APP: variants seen among roughly 807,000 people sequenced by gnomAD.
APP encodes the protein amyloid-beta precursor protein.
Under a neutral mutation model 101.4 loss-of-function variants are expected in APP, and 31 were observed. That is an observed-to-expected ratio of 0.31 (90% CI 0.23 to 0.41). The LOEUF (loss-of-function observed/expected upper bound fraction) is 0.41. Among genes scored for constraint, APP ranks in the 10% least tolerant of loss-of-function variants. The pLI is 1.00. For missense variants in APP, 839 were observed against 1,003.7 expected (o/e 0.84, Z 2.22); for synonymous variants, 366 against 364.4 (o/e 1.00, Z -0.05).
chr21:26,118,677 T>C (rs547311327), intron 1 of APP, among the ~76,000 whole-genome samples: 48 of 152,276 alleles, frequency 3.2e-4, no homozygotes, highest in African/African-American at 1.1e-3. Context: ...TTTAACCTCC[T>C]GAGTAGCTGG....
intron 2 of APP, among the ~76,000 whole-genome samples, chr21:26,109,116 G>C (rs2062252302): frequency 6.6e-6 from 1 of 152,172 alleles, no homozygotes; most frequent in African/African-American, 2.4e-5. Context: ...AGAATTGCAA[G>C]AGGAAGGTGA....
chr21:26,147,208 TC>T (rs1315636209), intron 1 of APP, among the ~76,000 whole-genome samples: 3 of 152,180 alleles, frequency 2.0e-5, no homozygotes, highest in Admixed American at 2.0e-4. Flanking sequence ...TAAACACCCC[TC>T]CCTGCAGAAC....
chr21:25,985,358 T>C (rs1447587973), intron 8 of APP, among the ~76,000 whole-genome samples: 1 of 152,144 alleles, frequency 6.6e-6, no homozygotes, highest in African/African-American at 2.4e-5. Context: ...AGCATCGGAA[T>C]TGGTGCACTC....
At chr21:26,139,126 A>G (rs1337048119) in intron 1 of APP, among the ~76,000 whole-genome samples, 2 of 152,182 alleles carry the variant, frequency 1.3e-5, no homozygotes, top group African/African-American at 4.8e-5. Context: ...CAATGATGCA[A>G]CATTACGTAA....
At chr21:26,064,745 C>T (rs1384902592) in intron 3 of APP, among the ~76,000 whole-genome samples, 3 of 152,198 alleles carry the variant, frequency 2.0e-5, no homozygotes. Context: ...CGGCGAGGCC[C>T]ATGTTCCACA....
At position 26,106,877 on chromosome 21, in the gene APP, C is replaced by T. The variant is rs541467615; in HGVS notation, c.225+5102G>A. 5.9e-5 allele frequency among the ~76,000 whole-genome samples: 9 copies of T among 152,322 alleles called. No individual in the cohort carries two copies. In the South Asian group the frequency reaches 1.5e-3, roughly 25 times the overall value. On this transcript the variant is annotated intron_variant, in intron 2 of 17. Coordinates refer to ENST00000346798, the MANE Select transcript of APP (RefSeq NM_000484.4). ...TTGTTTTTCCTGCAATGGACTACAACGTAACTTCTCCCCATGCTATTCCAC... is the reference window on the plus strand; with the variant it reads ...TTGTTTTTCCTGCAATGGACTACAATGTAACTTCTCCCCATGCTATTCCAC...
rs201028219 is a variant in APP at position 25,980,976 on chromosome 21, T to C, written c.1224+1368A>G. Reference sequence around the variant, plus strand: ...CAGGGTAGGCGGGTTTAGGACTGATTAGTTCAAATAATGGTGATGGGGCAT... The same window carrying C: ...CAGGGTAGGCGGGTTTAGGACTGATCAGTTCAAATAATGGTGATGGGGCAT... On this transcript the variant is annotated intron_variant, in intron 9 of 17. Coordinates refer to ENST00000346798, the MANE Select transcript of APP (RefSeq NM_000484.4). 5.9e-5 allele frequency among the ~76,000 whole-genome samples: 9 copies of C among 152,280 alleles called. No individual in the cohort carries two copies. The East Asian group carries it at 1.7e-3, about 29-fold the overall frequency.
intron 1 of APP, among the ~76,000 whole-genome samples, chr21:26,166,938 G>A (rs1437846785): frequency 1.4e-5 from 2 of 142,332 alleles, no homozygotes; most frequent in East Asian, 6.0e-4. Flanking sequence ...GTGTGTGTGT[G>A]TGTGTGTGTG....
Position 26,091,083 on chromosome 21 carries a change from C to T in APP, c.226-1011G>A, listed in dbSNP as rs1396759107. On this transcript the variant is annotated intron_variant, in intron 2 of 17. Coordinates refer to ENST00000346798, the MANE Select transcript of APP (RefSeq NM_000484.4). Reference sequence around the variant, plus strand: ...AAAACATAAACATAAAAATCTATTTCGAAAATGTGCATTCCCTTGCATAAA... The same window carrying T: ...AAAACATAAACATAAAAATCTATTTTGAAAATGTGCATTCCCTTGCATAAA... Among the ~76,000 whole-genome samples the T allele has an allele frequency of 3.3e-5, 5 of 152,276 alleles. 1 individual carries two copies. The East Asian group carries it at 5.8e-4, about 18-fold the overall frequency.
chr21:26,144,300 G>A (rs984412254), intron 1 of APP, among the ~76,000 whole-genome samples: 4 of 152,218 alleles, frequency 2.6e-5, no homozygotes, highest in African/African-American at 4.8e-5. Flanking sequence ...ATCACTCACT[G>A]AACCTCATTT....
In APP at chr21:25,968,687, G is replaced by A. The variant is rs150717746; in HGVS notation, c.1458+6383C>T. On this transcript the variant is annotated intron_variant, in intron 11 of 17. Transcript: ENST00000346798. Reference sequence around the variant, plus strand: ...AAACAACATCTCATAACACTTCCACGTTTAGGTTTAAAAACTGAGTAAAAG... The same window carrying A: ...AAACAACATCTCATAACACTTCCACATTTAGGTTTAAAAACTGAGTAAAAG... 1.1e-4 allele frequency among the ~76,000 whole-genome samples: 16 copies of A among 152,162 alleles called. No individual in the cohort carries two copies. In the East Asian group the frequency reaches 2.3e-3, roughly 22 times the overall value.
chr21:25,913,254 T>C (rs1424657096), intron 13 of APP, among the ~76,000 whole-genome samples: 2 of 152,240 alleles, frequency 1.3e-5, no homozygotes, highest in African/African-American at 4.8e-5. Flanking sequence ...TCTTTTCATG[T>C]AGTCAGTTTT....
At chr21:26,067,208 T>C (rs1420017037) in intron 3 of APP, among the ~76,000 whole-genome samples, 1 of 152,216 alleles carries the variant, frequency 6.6e-6, no homozygotes, top group Non-Finnish European at 1.5e-5. Flanking sequence ...ATCCTAAATT[T>C]CATCATTTCA....
intron 3 of APP, among the ~76,000 whole-genome samples, chr21:26,057,046 A>G (rs1419461979): frequency 6.6e-6 from 1 of 152,214 alleles, no homozygotes; most frequent in East Asian, 1.9e-4. Context: ...GTACTTAAAA[A>G]TCTTTGCTAG....
intron 14 of APP, among the ~76,000 whole-genome samples, chr21:25,907,136 G>A (rs574232245): frequency 2.0e-5 from 3 of 151,314 alleles, no homozygotes; most frequent in South Asian, 2.1e-4. Context: ...GCCTCTCCCC[G>A]CTCTTCTTCT....
At chr21:26,169,606 G>A (rs965179808) in intron 1 of APP, among the ~76,000 whole-genome samples, 1 of 152,222 alleles carries the variant, frequency 6.6e-6, no homozygotes, top group African/African-American at 2.4e-5. Context: ...GAAGCAGAGG[G>A]GCCCCGAGGC....
At chr21:26,093,954 A>T (rs1371276522) in intron 2 of APP, among the ~76,000 whole-genome samples, 2 of 152,022 alleles carry the variant, frequency 1.3e-5, no homozygotes, top group Non-Finnish European at 2.9e-5. Flanking sequence ...TCTCTACTAA[A>T]AATACAAAAA....
chr21:25,975,294 T>C (rs942397515), intron 10 of APP, 66 bp from the exon 11 acceptor site: 2 of 1,604,568 alleles, frequency 1.2e-6, no homozygotes, highest in Non-Finnish European at 1.7e-6. Context: ...ATTTCAAGTC[T>C]TCTAAAAAAG....
At chr21:25,897,279 A>G (rs2038126936) in intron 16 of APP, among the ~76,000 whole-genome samples, 3 of 151,960 alleles carry the variant, frequency 2.0e-5, no homozygotes, top group Admixed American at 2.0e-4. Flanking sequence ...CACCCAGCTA[A>G]TCTTTTTTGT....
Sources: gnomAD v4.1 joint callset for allele counts (sites outside exome capture counted in the v4.1 genomes callset) on GRCh38, gnomAD v4.1.1 for gene constraint, MANE v1.5 for transcripts, NCBI Gene and HGNC (gene_info 2026-07-23, HGNC 2026-07-21) for gene names.